Variants in EPS15 observed in about 807,000 individuals in gnomAD.
EPS15 encodes the protein epidermal growth factor receptor substrate 15.
A neutral mutation model predicts 113.8 loss-of-function variants in EPS15; 72 were observed. The observed-to-expected ratio is 0.63, with a 90% CI of 0.52 to 0.77. EPS15 has a LOEUF of 0.77. Among genes scored for constraint, EPS15 ranks in the 30% least tolerant of loss-of-function variants. The probability of loss-of-function intolerance (pLI) is 0.00; values close to 1 mark genes in which losing one functional copy is unlikely to be tolerated. For missense variants in EPS15, 1,048 were observed against 1,045.8 expected, an observed-to-expected ratio of 1.00 and a Z score of -0.03; for synonymous variants, 344 against 363.4, an observed-to-expected ratio of 0.95 and a Z score of 0.61.
rs77819130 is a variant in EPS15 at position 51,482,333 on chromosome 1, G to A, written c.34-1019C>T. 2.7e-3 allele frequency among the ~76,000 whole-genome samples: 407 copies of A among 152,230 alleles called. 3 individuals carry two copies. The highest frequency in any genetic ancestry group is 9.3e-3 in the African/African-American group (385 of 41,548). On this transcript the variant is annotated intron_variant, in intron 1 of 24. Coordinates refer to ENST00000371733, the MANE Select transcript of EPS15 (RefSeq NM_001981.3). ...GAGAGGGTGATTCTACACAGAGATA[G>A]CAGTATGCACAAAGGCATGCGATCA... is the stretch of plus-strand genomic sequence containing the variant.
chr1:51,384,852 C>T (rs751260851), intron 21 of EPS15, among the ~76,000 whole-genome samples: 6 of 152,072 alleles, frequency 3.9e-5, no homozygotes, highest in South Asian at 2.1e-4. Context: ...GGAAAAAGGA[C>T]GGTCTTCACA....
intron 4 of EPS15, among the ~76,000 whole-genome samples, chr1:51,468,898 C>T (rs1308058280): frequency 2.0e-5 from 3 of 152,068 alleles, no homozygotes; most frequent in East Asian, 1.9e-4. Flanking sequence ...GAGGCCGAGA[C>T]GGGCAGATCA....
At chr1:51,453,336 T>C (rs1205974203) in intron 8 of EPS15, among the ~76,000 whole-genome samples, 1 of 152,220 alleles carries the variant, frequency 6.6e-6, no homozygotes. Context: ...ATTAATTTCA[T>C]GTTGCCTTGA....
intron 12 of EPS15, chr1:51,422,150 ACTGTT>A: frequency 1.4e-6 from 1 of 714,442 alleles, no homozygotes. Context: ...CACTGATGTC[ACTGTT>A]GCTATGGAAA....
intron 1 of EPS15, among the ~76,000 whole-genome samples, chr1:51,498,450 T>C (rs966193176): frequency 6.6e-6 from 1 of 152,230 alleles, no homozygotes; most frequent in Non-Finnish European, 1.5e-5. Flanking sequence ...ACTTTCAGTA[T>C]TCAATAAATT....
chr1:51,500,710 T>C (rs575348718), intron 1 of EPS15, among the ~76,000 whole-genome samples: 74 of 152,116 alleles, frequency 4.9e-4, no homozygotes, highest in African/African-American at 1.7e-3. Flanking sequence ...GTAGGTCGGG[T>C]GCAGTGGCTC....
chr1:51,420,460 G>A (rs574634169), intron 13 of EPS15, among the ~76,000 whole-genome samples: 2 of 152,230 alleles, frequency 1.3e-5, no homozygotes, highest in Admixed American at 6.5e-5. Context: ...GTCCAAAATT[G>A]TATCAGTAGC....
rs1648717238 is a variant in EPS15, at chr1:51,402,906, A to C, written c.1792-381T>G. ...GGTGACAGAGTGAGACTTGGTCTTG[A>C]AAACAAAAGGAAAATCAACTGATGG... On this transcript the variant is annotated intron_variant, in intron 17 of 24. Coordinates refer to ENST00000371733, the MANE Select transcript of EPS15 (RefSeq NM_001981.3). Among the ~76,000 whole-genome samples, 5 of 152,336 alleles carry C rather than the reference A, an allele frequency of 3.3e-5. 1 individual carries two copies. In the South Asian group the frequency reaches 1.0e-3, roughly 32 times the overall value.
At chr1:51,430,082 A>T (rs1488368106) in intron 12 of EPS15, among the ~76,000 whole-genome samples, 1 of 152,142 alleles carries the variant, frequency 6.6e-6, no homozygotes, top group African/African-American at 2.4e-5. Flanking sequence ...GGAAGAGAGG[A>T]AGCAGAGGCT....
intron 12 of EPS15, among the ~76,000 whole-genome samples, chr1:51,426,082 G>A (rs1387855985): frequency 1.3e-5 from 2 of 151,842 alleles, no homozygotes; most frequent in African/African-American, 2.4e-5. Flanking sequence ...AGAAAAATAG[G>A]TTACTAAATA....
At chr1:51,476,836 T>C (rs551362476) in intron 2 of EPS15, among the ~76,000 whole-genome samples, 1 of 152,340 alleles carries the variant, frequency 6.6e-6, no homozygotes, top group East Asian at 1.9e-4. Context: ...CTTTATGATG[T>C]GCTGCTGGAT....
rs765820042 is a variant in EPS15, at chr1:51,406,110, T to C, written c.1474-2A>G. The C allele has an allele frequency of 4.3e-6, 7 of 1,611,766 alleles. No individual in the cohort carries two copies. The Admixed American group carries it at 5.0e-5, about 12-fold the overall frequency. ...CATTTCCATCAGTTTCATTTGCATC[T>C]GCCAACACAAAGAAGAAATATAGAA... On this transcript the variant is annotated splice_acceptor_variant, in intron 15 of 24. Coordinates refer to ENST00000371733, the MANE Select transcript of EPS15 (RefSeq NM_001981.3). LOFTEE classifies it high-confidence loss of function.
intron 15 of EPS15, among the ~76,000 whole-genome samples, chr1:51,406,460 C>A (rs1233246521): frequency 6.6e-6 from 1 of 151,994 alleles, no homozygotes; most frequent in Non-Finnish European, 1.5e-5. Context: ...CAGAATGAGA[C>A]CCTGTCTCAA....
chr1:51,468,213 G>C (rs1654988949), intron 5 of EPS15, among the ~76,000 whole-genome samples: 1 of 151,976 alleles, frequency 6.6e-6, no homozygotes, highest in Non-Finnish European at 1.5e-5. Flanking sequence ...TCCCACTTCT[G>C]CCTCCCAAAG....
intron 1 of EPS15, among the ~76,000 whole-genome samples, chr1:51,514,911 G>T (rs1570464878): frequency 6.6e-6 from 1 of 152,134 alleles, no homozygotes; most frequent in East Asian, 1.9e-4. Context: ...CCCATTGTAG[G>T]AACTCAAATA....
At position 51,409,413 on chromosome 1, in the gene EPS15, CA is replaced by C. The variant is rs2148430815; in HGVS notation, c.1275+121del. ...CCTTGCTCCATCGCCCCCATGAACC[CA>C]AATGCTGACTGGATTGCCAACCACC... On this transcript the variant is annotated intron_variant, in intron 14 of 24. Transcript: ENST00000371733. 9.0e-6 allele frequency: 8 copies of C among 892,592 alleles called. No homozygotes were observed. In the East Asian group the frequency reaches 2.1e-4, roughly 23 times the overall value. The allele number at this position is 892,592 out of a possible 1,614,324, so 55.3% of individuals were successfully genotyped here. A position where few individuals can be genotyped will look rare whatever the true frequency, so the allele number is the denominator to read the frequency against.
intron 11 of EPS15, among the ~76,000 whole-genome samples, chr1:51,443,565 A>G (rs1652766333): frequency 6.6e-6 from 1 of 152,088 alleles, no homozygotes; most frequent in African/African-American, 2.4e-5. Flanking sequence ...ATAAGGACAA[A>G]AACTTCTATA....
At chr1:51,427,178 A>G (rs1651296038) in intron 12 of EPS15, among the ~76,000 whole-genome samples, 1 of 152,198 alleles carries the variant, frequency 6.6e-6, no homozygotes. Flanking sequence ...AAAGTTAAAC[A>G]CCAACAAACT....
chr1:51,388,439 A>G (rs1336171326), intron 21 of EPS15, among the ~76,000 whole-genome samples: 1 of 152,228 alleles, frequency 6.6e-6, no homozygotes, highest in African/African-American at 2.4e-5. Flanking sequence ...ACACATTCAA[A>G]AGCTAGCAGA....
Sources: allele counts gnomAD v4.1 joint callset (sites outside exome capture counted in the v4.1 genomes callset), GRCh38; gene constraint gnomAD v4.1.1; transcripts MANE v1.5; gene names NCBI Gene and HGNC (gene_info 2026-07-23, HGNC 2026-07-21).